The following EBF3 variants were observed in gnomAD, a reference collection of about 807,000 sequenced individuals.
EBF3 encodes the protein transcription factor COE3.
In EBF3, 18 loss-of-function variants were observed where a neutral mutation model predicts 77.1. The ratio of observed to expected loss-of-function variants is 0.23; its 90% confidence interval spans 0.16 to 0.35. The LOEUF (loss-of-function observed/expected upper bound fraction) is 0.35. Ranked by LOEUF, EBF3 falls within the 10% of genes least tolerant of loss-of-function variation. The pLI, the probability that EBF3 is intolerant of heterozygous loss-of-function variation, is 1.00. For missense variants in EBF3, 558 were observed against 860.0 expected (o/e 0.65, Z 4.39); for synonymous variants, 350 against 343.5 (o/e 1.02, Z -0.21).
At chr10:129,959,805 G>C (rs986632376) in intron 4 of EBF3, among the ~76,000 whole-genome samples, 8 of 151,900 alleles carry the variant, frequency 5.3e-5, no homozygotes, top group African/African-American at 2.4e-5. Flanking sequence ...AGGAGTGCCG[G>C]GGCCCCAGGG....
At chr10:129,923,179 C>CACGT (rs1239824819) in intron 6 of EBF3, among the ~76,000 whole-genome samples, 1 of 152,216 alleles carries the variant, frequency 6.6e-6, no homozygotes. Context: ...GTCCACAAGC[C>CACGT]ACGTGCCTTC....
rs140761821 is a variant in EBF3, at chr10:129,885,415, C to T, written c.555-7566G>A. ...ACAAGCTTCGTCAGCCACCCCACTC[C>T]GCCCGCTGTCAGTGTTCTAGTTAGT... is the stretch of plus-strand genomic sequence containing the variant. On this transcript the variant is annotated intron_variant, in intron 6 of 16. Coordinates refer to ENST00000440978, the MANE Select transcript of EBF3 (RefSeq NM_001375380.1). The surrounding 1 kb of genome is among the most constrained non-coding windows in gnomAD (Gnocchi z 4.0). 5.9e-4 allele frequency among the ~76,000 whole-genome samples: 90 copies of T among 152,272 alleles called. 5 individuals carry two copies. The East Asian group carries it at 0.015, about 26-fold the overall frequency.
intron 6 of EBF3, among the ~76,000 whole-genome samples, chr10:129,955,634 T>C (rs1858979350): frequency 6.6e-6 from 1 of 152,254 alleles, no homozygotes; most frequent in East Asian, 1.9e-4. Context: ...TCAGCATCAA[T>C]AGTCAATAAA....
chr10:129,840,998 C>T lies in EBF3; in HGVS notation c.1407G>A (p.Pro469=), dbSNP rs1849995376. ...GYSRNTSSVS[P]RGYVPSSTPQ... ...GAGTACTGCTGGGGACGTAGCCTCG[C>T]GGGGACACGCTGCTTGTATTGCGAC... Residue 469 remains proline (P), a synonymous_variant, in exon 14 of 17, where the codon CCG becomes CCA. Transcript: ENST00000440978. The T allele has an allele frequency of 6.9e-6, 11 of 1,604,094 alleles. No individual in the cohort carries two copies. Among genetic ancestry groups the T allele is most frequent in the Non-Finnish European group, 9.4e-6 (11 of 1,175,630 alleles).
chr10:129,872,336 G>A (rs1252269037), intron 8 of EBF3, among the ~76,000 whole-genome samples: 2 of 152,128 alleles, frequency 1.3e-5, no homozygotes, highest in African/African-American at 4.8e-5. Flanking sequence ...TGCTTAGGGC[G>A]ACCTTTAATT....
intron 6 of EBF3, among the ~76,000 whole-genome samples, chr10:129,918,090 C>G (rs1273346299): frequency 1.3e-5 from 2 of 152,168 alleles, no homozygotes; most frequent in African/African-American, 4.8e-5. Flanking sequence ...TAGGAAGGGG[C>G]CCAGGTGGCC....
intron 6 of EBF3, among the ~76,000 whole-genome samples, chr10:129,949,597 A>G (rs2134558627): frequency 6.6e-6 from 1 of 152,244 alleles, no homozygotes; most frequent in East Asian, 1.9e-4. Flanking sequence ...GGGAAGGCGC[A>G]CGCTGCCTGC....
rs1857296253 is a variant in EBF3, at chr10:129,935,470, A to G, written c.554+21788T>C. Among the ~76,000 whole-genome samples the G allele has an allele frequency of 6.6e-6, 1 of 152,196 alleles. No homozygotes were observed. Among genetic ancestry groups the G allele is most frequent in the Non-Finnish European group, 1.5e-5 (1 of 68,028 alleles). ...ACCAACGGGACCTCCTTGAGGACAGAGCAGCTGCCAATTCCTGTGTGACCC... is the reference window on the plus strand; with the variant it reads ...ACCAACGGGACCTCCTTGAGGACAGGGCAGCTGCCAATTCCTGTGTGACCC... On this transcript the variant is annotated intron_variant, in intron 6 of 16. Coordinates refer to ENST00000440978, the MANE Select transcript of EBF3 (RefSeq NM_001375380.1). The surrounding 1 kb of genome is among the most constrained non-coding windows in gnomAD (Gnocchi z 4.2).
chr10:129,958,330 CAAT>C (rs1317086606), intron 5 of EBF3, among the ~76,000 whole-genome samples: 1 of 152,150 alleles, frequency 6.6e-6, no homozygotes, highest in African/African-American at 2.4e-5. Context: ...CATACAAAGT[CAAT>C]GATGCATTTT....
Position 129,863,735 on chromosome 10 carries a change from C to T in EBF3, c.1039+3406G>A, listed in dbSNP as rs1851801069. ...TTCCCGGTGATTACCTCATTGTCCC[C>T]ATCAATTTTGGGGCAATGCAAATCA... On this transcript the variant is annotated intron_variant, in intron 10 of 16. Coordinates refer to ENST00000440978, the MANE Select transcript of EBF3 (RefSeq NM_001375380.1). This position sits in a 1 kb window ranked among gnomAD's most constrained non-coding sequence, Gnocchi z 4.0. Among the ~76,000 whole-genome samples the T allele has an allele frequency of 6.6e-6, 1 of 152,184 alleles. No homozygotes were observed. The highest frequency in any genetic ancestry group is 1.5e-5 in the Non-Finnish European group (1 of 68,036).
At chr10:129,948,259 CAAAAAAAA>C (rs71481027) in intron 6 of EBF3, among the ~76,000 whole-genome samples, 2 of 45,754 alleles carry the variant, frequency 4.4e-5, no homozygotes, top group South Asian at 8.6e-4. Context: ...AACTCCGTCT[CAAAAAAAA>C]AAAAAAAAAA....
chr10:129,840,260 C>T lies in EBF3; in HGVS notation c.1744G>A (p.Gly582Arg), dbSNP rs369183700. 4.4e-6 allele frequency: 7 copies of T among 1,579,232 alleles called. No individual in the cohort carries two copies. The highest frequency in any genetic ancestry group is 1.2e-5 in the South Asian group (1 of 86,130). ...CCACCCTCACCTTGCAGTCCATTCCCGTTGGCGCTGGTGCAGGAAGGAGGA... is the reference window on the plus strand; with the variant it reads ...CCACCCTCACCTTGCAGTCCATTCCTGTTGGCGCTGGTGCAGGAAGGAGGA... ...SPPPSCTSANGNGLQGSLLGA... is the reference protein window; with the variant it reads ...SPPPSCTSANRNGLQGSLLGA... The change falls in exon 15 of 17, where the codon GGG (glycine) becomes AGG (arginine). Residue 582 changes from glycine to arginine, a missense_variant. Physicochemically the swap from Gly to Arg is moderately radical, Grantham distance 125. This residue lies in a region of EBF3 where 284 missense variants were observed against 368.3 expected (regional missense o/e 0.77). Transcript: ENST00000440978.
At chr10:129,899,415 T>C (rs1169772295) in intron 6 of EBF3, among the ~76,000 whole-genome samples, 1 of 152,228 alleles carries the variant, frequency 6.6e-6, no homozygotes, top group East Asian at 1.9e-4. Flanking sequence ...CGCCTCACCA[T>C]GGACTGTGCC....
chr10:129,863,543 C>T lies in EBF3; in HGVS notation c.1039+3598G>A, dbSNP rs995771806. 2.6e-5 allele frequency among the ~76,000 whole-genome samples: 4 copies of T among 152,232 alleles called. No homozygotes were observed. The highest frequency in any genetic ancestry group is 9.6e-5 in the African/African-American group (4 of 41,464). On this transcript the variant is annotated intron_variant, in intron 10 of 16. Transcript: ENST00000440978. This position sits in a 1 kb window ranked among gnomAD's most constrained non-coding sequence, Gnocchi z 4.0. ...CTCCTCTGAGCACAGGTTCATTAGC[C>T]CTCCGCCTGGCGGCCCCAGCCGGCC...
At position 129,879,200 on chromosome 10, in the gene EBF3, CCT is replaced by C. The variant is rs1853023094; in HGVS notation, c.555-1353_555-1352del. On this transcript the variant is annotated intron_variant, in intron 6 of 16. Transcript: ENST00000440978. The surrounding 1 kb of genome is among the most constrained non-coding windows in gnomAD (Gnocchi z 4.7). ...GGAAAAGTGGGTGGGGGGGTTTCTCCCTGTATAACCTCTGCCTCAACTTGAAA... is the reference window on the plus strand; with the variant it reads ...GGAAAAGTGGGTGGGGGGGTTTCTCCGTATAACCTCTGCCTCAACTTGAAA... Among the ~76,000 whole-genome samples the C allele has an allele frequency of 6.6e-6, 1 of 152,120 alleles. No homozygotes were observed. Among genetic ancestry groups the C allele is most frequent in the Non-Finnish European group, 1.5e-5 (1 of 68,042 alleles).
chr10:129,917,861 G>A (rs1856003385), intron 6 of EBF3, among the ~76,000 whole-genome samples: 1 of 152,038 alleles, frequency 6.6e-6, no homozygotes, highest in Non-Finnish European at 1.5e-5. Flanking sequence ...TTTAAAATTA[G>A]GTAAGGAAGC....
Position 129,848,342 on chromosome 10 carries a change from C to T in EBF3, c.1128+50G>A. 1 of 1,578,484 alleles carries T rather than the reference C, an allele frequency of 6.3e-7. No individual in the cohort carries two copies. The highest frequency in any genetic ancestry group is 8.7e-7 in the Non-Finnish European group (1 of 1,147,666). On this transcript the variant is annotated intron_variant, in intron 11 of 16. Coordinates refer to ENST00000440978, the MANE Select transcript of EBF3 (RefSeq NM_001375380.1). The surrounding 1 kb of genome is among the most constrained non-coding windows in gnomAD (Gnocchi z 4.4). ...CCTGCTGCCCCCAAACCAGAACCAG[C>T]CCAGTGGCGGCCCCACCATGAGCGG...
rs1180818921 is a variant in EBF3, at chr10:129,939,709, G to A, written c.554+17549C>T. 8.5e-5 allele frequency among the ~76,000 whole-genome samples: 13 copies of A among 152,330 alleles called. No individual in the cohort carries two copies. The South Asian group carries it at 2.3e-3, about 27-fold the overall frequency. ...GGACACTCTTCCCATGCTTCTCAGCGATCAATGGAGTTAGAATTCCCACGT... is the reference window on the plus strand; with the variant it reads ...GGACACTCTTCCCATGCTTCTCAGCAATCAATGGAGTTAGAATTCCCACGT... On this transcript the variant is annotated intron_variant, in intron 6 of 16. Transcript: ENST00000440978.
At chr10:129,847,469 C>G (rs1441185813) in intron 11 of EBF3, among the ~76,000 whole-genome samples, 1 of 152,236 alleles carries the variant, frequency 6.6e-6, no homozygotes, top group Non-Finnish European at 1.5e-5. Context: ...CAGTGAATAT[C>G]TGACATCCGT....
Sources: gnomAD v4.1 joint callset for allele counts (sites outside exome capture counted in the v4.1 genomes callset) on GRCh38, gnomAD v4.1.1 for gene constraint, gnomAD v4.1.1 regional missense constraint, Gnocchi (gnomAD v3.1) non-coding constraint, MANE v1.5 for transcripts, NCBI Gene and HGNC (gene_info 2026-07-23, HGNC 2026-07-21) for gene names.